Variants in COA1 observed in about 807,000 individuals in gnomAD.
COA1 encodes the protein cytochrome c oxidase assembly factor 1.
A neutral mutation model predicts 16.0 loss-of-function variants in COA1; 13 were observed. The ratio of observed to expected loss-of-function variants is 0.81; its 90% confidence interval spans 0.53 to 1.29. The LOEUF is 1.29. Among genes scored for constraint, COA1 ranks in the 50% most tolerant of loss-of-function variants. The probability of loss-of-function intolerance (pLI) is 0.00; values close to 1 mark genes in which losing one functional copy is unlikely to be tolerated. For missense variants in COA1, 179 were observed against 177.0 expected (o/e 1.01, Z -0.06); for synonymous variants, 65 against 65.7 (o/e 0.99, Z 0.05).
intron 1 of COA1, among the ~76,000 whole-genome samples, chr7:43,682,035 G>C (rs2093790291): frequency 6.6e-6 from 1 of 152,202 alleles, no homozygotes; most frequent in Non-Finnish European, 1.5e-5. Context: ...AGTTGGGAGA[G>C]AGAAAAATCT....
At chr7:43,687,008 C>T (rs2094067969) in intron 1 of COA1, among the ~76,000 whole-genome samples, 1 of 152,166 alleles carries the variant, frequency 6.6e-6, no homozygotes, top group South Asian at 2.1e-4. Context: ...CCTATTCCCT[C>T]CTATACTTTA....
At chr7:43,692,791 A>G (rs2094416854) in intron 1 of COA1, among the ~76,000 whole-genome samples, 1 of 152,126 alleles carries the variant, frequency 6.6e-6, no homozygotes, top group Admixed American at 6.5e-5. Context: ...AAGGACCAAT[A>G]AACTTTGTAA....
chr7:43,618,721 G>A (rs2083574503), intron 6 of COA1, among the ~76,000 whole-genome samples: 1 of 152,048 alleles, frequency 6.6e-6, no homozygotes, highest in South Asian at 2.1e-4. Context: ...TTTTCCACTG[G>A]GTAAAAATGA....
At chr7:43,725,344 T>C (rs1335127623) in intron 1 of COA1, among the ~76,000 whole-genome samples, 2 of 152,188 alleles carry the variant, frequency 1.3e-5, no homozygotes, top group East Asian at 3.9e-4. Context: ...TCTTTACAAA[T>C]AGTTAAAATG....
chr7:43,658,514 T>C (rs2092061034), intron 1 of COA1, among the ~76,000 whole-genome samples: 1 of 152,208 alleles, frequency 6.6e-6, no homozygotes, highest in East Asian at 1.9e-4. Context: ...AAATAATGAA[T>C]GAAATCGAAT....
intron 2 of COA1, chr7:43,648,384 G>A (rs1435600970): frequency 3.1e-6 from 2 of 651,510 alleles, no homozygotes; most frequent in African/African-American, 3.6e-5. Context: ...TTCCCAGAGT[G>A]TTACAGCTTC....
intron 1 of COA1, among the ~76,000 whole-genome samples, chr7:43,721,389 T>C (rs919144981): frequency 3.3e-5 from 5 of 152,178 alleles, no homozygotes; most frequent in Admixed American, 3.3e-4. Context: ...TCCTATTATA[T>C]AGCACAACAC....
At chr7:43,646,632 G>A (rs1338377018) in intron 3 of COA1, 1 of 456,644 alleles carries the variant, frequency 2.2e-6, no homozygotes, top group Non-Finnish European at 4.4e-6. Context: ...ACCCAAAAGT[G>A]CACCCATCCC....
chr7:43,691,429 G>GAA (rs796708212), intron 1 of COA1, among the ~76,000 whole-genome samples: 195 of 58,250 alleles, frequency 3.3e-3, no homozygotes, highest in Non-Finnish European at 5.0e-3. Flanking sequence ...GAAAAAGAAA[G>GAA]AAAGAAAGAA....
chr7:43,724,327 C>T (rs1031913909), intron 1 of COA1, among the ~76,000 whole-genome samples: 3 of 152,126 alleles, frequency 2.0e-5, no homozygotes, highest in Admixed American at 1.3e-4. Flanking sequence ...CTGAGGTGGG[C>T]GGATCCCTTG....
At chr7:43,705,823 G>A (rs2094949136) in intron 1 of COA1, among the ~76,000 whole-genome samples, 1 of 152,212 alleles carries the variant, frequency 6.6e-6, no homozygotes, top group Non-Finnish European at 1.5e-5. Context: ...TCCGCGGCAA[G>A]AGTGGGCCAC....
chr7:43,693,877 G>A (rs1006893283), intron 1 of COA1, among the ~76,000 whole-genome samples: 2 of 151,956 alleles, frequency 1.3e-5, no homozygotes, highest in Admixed American at 6.6e-5. Flanking sequence ...TATGACAGCT[G>A]ACTCCAAGTG....
intron 1 of COA1, among the ~76,000 whole-genome samples, chr7:43,712,828 C>A (rs188280582): frequency 5.3e-5 from 8 of 152,180 alleles, no homozygotes; most frequent in East Asian, 3.9e-4. Context: ...ATTTTCATTT[C>A]CACTATCATG....
At chr7:43,673,991 T>A (rs1245727248) in intron 1 of COA1, among the ~76,000 whole-genome samples, 1 of 151,986 alleles carries the variant, frequency 6.6e-6, no homozygotes, top group Non-Finnish European at 1.5e-5. Flanking sequence ...CAGGACCTAC[T>A]TAAAGGTGGA....
In COA1 at chr7:43,644,807, G is replaced by C. The variant is rs868310072; in HGVS notation, c.264+444C>G. Among the ~76,000 whole-genome samples, 14 of 141,948 alleles carry C rather than the reference G, an allele frequency of 9.9e-5. No individual in the cohort carries two copies. In the East Asian group the frequency reaches 1.4e-3, roughly 14 times the overall value. 93.1% of individuals were successfully genotyped at this position (141,948 alleles called of 152,430 possible). On this transcript the variant is annotated intron_variant, in intron 4 of 5. Coordinates refer to ENST00000223336, the MANE Select transcript of COA1 (RefSeq NM_018224.4). ...GCAGGCAGGCAGAGAGACAGAGAGA[G>C]AGAGAGAGAGAGAGAGAGAGAGAGA...
At chr7:43,608,469 A>T in exon 7 of COA1, 2 of 1,521,022 alleles carry the variant, frequency 1.3e-6, no homozygotes, top group Non-Finnish European at 1.8e-6. Context: ...TTTAACAGTG[A>T]TTTATTCAAA....
intron 1 of COA1, among the ~76,000 whole-genome samples, chr7:43,662,966 TA>T (rs1446809923): frequency 7.2e-5 from 11 of 152,364 alleles, no homozygotes; most frequent in Middle Eastern, 3.4e-3. Context: ...AGTCTTGATA[TA>T]GTTTGGGTAT....
chr7:43,717,585 T>C (rs1017431517), intron 1 of COA1, among the ~76,000 whole-genome samples: 1 of 152,180 alleles, frequency 6.6e-6, no homozygotes, highest in Non-Finnish European at 1.5e-5. Flanking sequence ...AGATGAAACT[T>C]TGAACTGTGA....
intron 1 of COA1, among the ~76,000 whole-genome samples, chr7:43,673,376 A>G (rs1277517316): frequency 6.6e-6 from 1 of 152,256 alleles, no homozygotes; most frequent in Non-Finnish European, 1.5e-5. Flanking sequence ...TAAGTGGCCA[A>G]GAAGCATATG....
Sources: gnomAD v4.1 joint callset for allele counts (sites outside exome capture counted in the v4.1 genomes callset) on GRCh38, gnomAD v4.1.1 for gene constraint, MANE v1.5 for transcripts, NCBI Gene and HGNC (gene_info 2026-07-23, HGNC 2026-07-21) for gene names.